Variants in HS3ST5 observed in about 807,000 individuals in gnomAD.
HS3ST5 encodes the protein heparan sulfate-glucosamine 3-sulfotransferase 5, also known as heparan sulfate glucosamine 3-O-sulfotransferase 5.
A neutral mutation model predicts 25.4 loss-of-function variants in HS3ST5; 10 were observed. The observed-to-expected ratio is 0.39, with a 90% confidence interval of 0.24 to 0.67. The LOEUF (loss-of-function observed/expected upper bound fraction) is 0.67, where lower values mean the gene tolerates loss of function less well. Among genes scored for constraint, HS3ST5 ranks in the 30% least tolerant of loss-of-function variants. The pLI, the probability that HS3ST5 is intolerant of heterozygous loss-of-function variation, is 0.44. For synonymous variants in HS3ST5, 170 were observed against 162.4 expected (o/e 1.05, Z -0.36); for missense variants, 324 against 420.7 (o/e 0.77, Z 2.01).
intron 3 of HS3ST5, among the ~76,000 whole-genome samples, chr6:114,146,849 C>T (rs1276229062): frequency 6.6e-6 from 1 of 152,180 alleles, no homozygotes; most frequent in Non-Finnish European, 1.5e-5. Flanking sequence ...CCATGAGTAA[C>T]AGCTCCGAGG....
chr6:114,287,136 G>A (rs1392450163), intron 1 of HS3ST5, among the ~76,000 whole-genome samples: 6 of 151,646 alleles, frequency 4.0e-5, no homozygotes, highest in Non-Finnish European at 8.8e-5. Context: ...TTATAAATAA[G>A]AAAATAAAAA....
chr6:114,301,712 A>G (rs1204436477), intron 1 of HS3ST5, among the ~76,000 whole-genome samples: 2 of 152,056 alleles, frequency 1.3e-5, no homozygotes, highest in East Asian at 3.9e-4. Flanking sequence ...CTTAGCTCTC[A>G]TCATCCATCT....
chr6:114,152,260 C>A (rs1778488233), intron 3 of HS3ST5, among the ~76,000 whole-genome samples: 1 of 152,026 alleles, frequency 6.6e-6, no homozygotes, highest in Non-Finnish European at 1.5e-5. Flanking sequence ...ATTTCAGTTT[C>A]TATTCTCAAT....
At chr6:114,241,897 T>C (rs1332769945) in intron 1 of HS3ST5, among the ~76,000 whole-genome samples, 2 of 152,224 alleles carry the variant, frequency 1.3e-5, no homozygotes, top group Non-Finnish European at 2.9e-5. Flanking sequence ...ATATAATGAC[T>C]ATGCAATTTA....
chr6:114,334,720 A>G (rs773992369), intron 1 of HS3ST5, among the ~76,000 whole-genome samples: 4 of 152,228 alleles, frequency 2.6e-5, no homozygotes, highest in Non-Finnish European at 5.9e-5. Flanking sequence ...CCAGGTTTGT[A>G]TAAGTACACT....
chr6:114,163,141 A>G (rs1779050804), intron 3 of HS3ST5, among the ~76,000 whole-genome samples: 1 of 152,168 alleles, frequency 6.6e-6, no homozygotes, highest in Non-Finnish European at 1.5e-5. Flanking sequence ...CAGAGCAGCA[A>G]TTTACATATG....
At chr6:114,191,173 T>C (rs1164991574) in intron 2 of HS3ST5, among the ~76,000 whole-genome samples, 1 of 152,192 alleles carries the variant, frequency 6.6e-6, no homozygotes, top group African/African-American at 2.4e-5. Flanking sequence ...CCTGACAGTT[T>C]TTCCTCTTAT....
chr6:114,101,218 A>G (rs1775711935), intron 3 of HS3ST5, among the ~76,000 whole-genome samples: 1 of 152,232 alleles, frequency 6.6e-6, no homozygotes, highest in Non-Finnish European at 1.5e-5. Flanking sequence ...CAAAAGGGTT[A>G]TTAAGCCGAA....
intron 1 of HS3ST5, among the ~76,000 whole-genome samples, chr6:114,255,590 C>A (rs935949000): frequency 6.6e-6 from 1 of 152,174 alleles, no homozygotes; most frequent in Non-Finnish European, 1.5e-5. Context: ...CCCCTACCTG[C>A]AGCAAACTTC....
intron 1 of HS3ST5, among the ~76,000 whole-genome samples, chr6:114,283,102 A>T (rs1291778897): frequency 6.6e-6 from 1 of 151,996 alleles, no homozygotes; most frequent in Non-Finnish European, 1.5e-5. Flanking sequence ...GCAGGAAAAA[A>T]TAAAAGAATA....
At chr6:114,255,937 G>C (rs1772888294) in intron 1 of HS3ST5, among the ~76,000 whole-genome samples, 1 of 152,120 alleles carries the variant, frequency 6.6e-6, no homozygotes, top group African/African-American at 2.4e-5. Flanking sequence ...ATTAACATTT[G>C]ACTCCTCATT....
chr6:114,288,365 G>A (rs1280467903), intron 1 of HS3ST5, among the ~76,000 whole-genome samples: 1 of 152,046 alleles, frequency 6.6e-6, no homozygotes, highest in East Asian at 1.9e-4. Flanking sequence ...TTTATGAACT[G>A]CGATTATATT....
intron 1 of HS3ST5, among the ~76,000 whole-genome samples, chr6:114,242,292 CA>C (rs1183295525): frequency 3.9e-5 from 6 of 151,934 alleles, no homozygotes; most frequent in African/African-American, 1.2e-4. Context: ...TTAATTTTAT[CA>C]GTTTCTTTTT....
intron 1 of HS3ST5, among the ~76,000 whole-genome samples, chr6:114,250,623 C>T (rs1030251681): frequency 2.0e-5 from 3 of 152,046 alleles, no homozygotes; most frequent in Admixed American, 6.6e-5. Flanking sequence ...GAAGAATTCA[C>T]CAAGTATATG....
At chr6:114,286,127 T>C (rs1287512719) in intron 1 of HS3ST5, among the ~76,000 whole-genome samples, 1 of 151,920 alleles carries the variant, frequency 6.6e-6, no homozygotes, top group Admixed American at 6.6e-5. Context: ...ATAATTAACA[T>C]GTAATGCTGT....
chr6:114,062,678 A>AAGG, intron 4 of HS3ST5, 61 bp downstream of exon 4: 1 of 1,055,668 alleles, frequency 9.5e-7, no homozygotes, highest in Non-Finnish European at 1.5e-6. Flanking sequence ...ATTATGTCCT[A>AAGG]AGGAAGTTTA....
intron 1 of HS3ST5, among the ~76,000 whole-genome samples, chr6:114,265,903 G>A (rs979542904): frequency 6.6e-6 from 1 of 151,964 alleles, no homozygotes; most frequent in Non-Finnish European, 1.5e-5. Flanking sequence ...TTCTCTTGCT[G>A]CATGCTGTCC....
At chr6:114,189,218 G>C (rs1780376888) in intron 2 of HS3ST5, among the ~76,000 whole-genome samples, 1 of 151,954 alleles carries the variant, frequency 6.6e-6, no homozygotes, top group South Asian at 2.1e-4. Context: ...TTTTTCTTCT[G>C]AATTTACCTT....
chr6:114,318,055 A>G (rs1372296764), intron 1 of HS3ST5, among the ~76,000 whole-genome samples: 2 of 152,224 alleles, frequency 1.3e-5, no homozygotes, highest in African/African-American at 4.8e-5. Context: ...AGTTAAGCCC[A>G]CTGTAGTGTG....
Sources: allele counts gnomAD v4.1 joint callset (sites outside exome capture counted in the v4.1 genomes callset), GRCh38; gene constraint gnomAD v4.1.1; transcripts MANE v1.5; gene names NCBI Gene and HGNC (gene_info 2026-07-23, HGNC 2026-07-21).